The following PTPRQ variants were observed in gnomAD, a reference collection of about 807,000 sequenced individuals.
PTPRQ encodes the protein phosphatidylinositol phosphatase PTPRQ.
In PTPRQ, 199 loss-of-function variants were observed where a neutral mutation model predicts 246.0. The observed-to-expected ratio is 0.81, with a 90% CI of 0.72 to 0.91. The LOEUF is 0.91. PTPRQ is among the 40% of genes least tolerant of loss of function. PTPRQ has a pLI of 0.00. For synonymous variants in PTPRQ, 869 were observed against 853.2 expected, an observed-to-expected ratio of 1.02 and a Z score of -0.32; for missense variants, 2,624 against 2,528.4, an observed-to-expected ratio of 1.04 and a Z score of -0.81.
At chr12:80,545,626 T>G (rs1384337415) in intron 23 of PTPRQ, among the ~76,000 whole-genome samples, 1 of 151,696 alleles carries the variant, frequency 6.6e-6, no homozygotes, top group African/African-American at 2.4e-5. Flanking sequence ...TGGGCAACTA[T>G]GATACTCTTT....
chr12:80,659,883 A>G (rs1024102064), intron 39 of PTPRQ, among the ~76,000 whole-genome samples: 7 of 152,040 alleles, frequency 4.6e-5, no homozygotes, highest in African/African-American at 1.7e-4. Flanking sequence ...GCGGATTTCT[A>G]TATTGGGGCT....
intron 3 of PTPRQ, among the ~76,000 whole-genome samples, chr12:80,457,147 A>C (rs1893006147): frequency 6.6e-6 from 1 of 152,036 alleles, no homozygotes; most frequent in Non-Finnish European, 1.5e-5. Context: ...TTTTTAAAAC[A>C]GTTTTTTGAG....
Position 80,669,043 on chromosome 12 carries a change from G to A in PTPRQ, c.6229G>A (p.Gly2077Ser). Residue 2077 changes from glycine (G) to serine (S), a missense_variant, in exon 40 of 45, where the codon GGT becomes AGT. Gly to Ser is a moderately conservative substitution (Grantham distance 56). Coordinates refer to ENST00000644991, the MANE Select transcript of PTPRQ (RefSeq NM_001145026.2). ...TCCAAATGAATTTATTGCTACTCAA[G>A]GTCCACTACCAGGAACAGTTGGAGA... is the stretch of plus-strand genomic sequence containing the variant. ...LCPNEFIATQ[G>S]PLPGTVGDFW... is the part of the protein sequence containing the mutation. The A allele has an allele frequency of 6.5e-7, 1 of 1,550,178 alleles. No homozygotes were observed. Among genetic ancestry groups the A allele is most frequent in the East Asian group, 2.4e-5 (1 of 40,824 alleles).
intron 26 of PTPRQ, among the ~76,000 whole-genome samples, chr12:80,591,740 T>C (rs1207029073): frequency 6.6e-6 from 1 of 152,156 alleles, no homozygotes; most frequent in Non-Finnish European, 1.5e-5. Context: ...AATACATCAG[T>C]AGCCTAGATC....
chr12:80,456,761 G>C (rs760379301), intron 3 of PTPRQ, among the ~76,000 whole-genome samples: 3 of 152,132 alleles, frequency 2.0e-5, no homozygotes, highest in Non-Finnish European at 4.4e-5. Context: ...TGATACATTT[G>C]ATGTCTTCAG....
chr12:80,531,367 TAAG>T (rs959417849), intron 17 of PTPRQ, among the ~76,000 whole-genome samples: 7 of 152,214 alleles, frequency 4.6e-5, no homozygotes, highest in African/African-American at 1.7e-4. Flanking sequence ...TTTAAGCTAA[TAAG>T]AATAAAACAG....
intron 19 of PTPRQ, among the ~76,000 whole-genome samples, chr12:80,536,583 CAT>C (rs78605403): frequency 0.054 from 8,161 of 152,258 alleles, 285 homozygotes; most frequent in East Asian, 0.16. Flanking sequence ...TAATGAAAGA[CAT>C]GTAGATATAG....
intron 38 of PTPRQ, among the ~76,000 whole-genome samples, chr12:80,655,057 T>C (rs2121240453): frequency 6.6e-6 from 1 of 152,218 alleles, no homozygotes; most frequent in Non-Finnish European, 1.5e-5. Context: ...CCTTTAAGAC[T>C]GTAAGAAATG....
chr12:80,573,961 G>A (rs901602995), intron 25 of PTPRQ, among the ~76,000 whole-genome samples: 2 of 151,784 alleles, frequency 1.3e-5, no homozygotes, highest in Admixed American at 6.6e-5. Context: ...TCACTTTTCC[G>A]CCTAATCGTT....
chr12:80,661,772 T>G (rs538150603), intron 39 of PTPRQ, among the ~76,000 whole-genome samples: 2 of 151,910 alleles, frequency 1.3e-5, no homozygotes, highest in Admixed American at 6.6e-5. Context: ...TGGATAAACT[T>G]TAACATAAAA....
At chr12:80,621,214 T>A (rs192893925) in intron 32 of PTPRQ, among the ~76,000 whole-genome samples, 1 of 152,014 alleles carries the variant, frequency 6.6e-6, no homozygotes, top group East Asian at 1.9e-4. Context: ...ATGCAATTAC[T>A]TTGGTTCAAA....
chr12:80,476,904 G>T (rs191250916), intron 8 of PTPRQ, among the ~76,000 whole-genome samples: 1 of 152,204 alleles, frequency 6.6e-6, no homozygotes, highest in Non-Finnish European at 1.5e-5. Context: ...TATAGTAATA[G>T]GAAAGCTATA....
chr12:80,625,552 A>T (rs934850963), intron 33 of PTPRQ, among the ~76,000 whole-genome samples: 12 of 152,098 alleles, frequency 7.9e-5, no homozygotes, highest in African/African-American at 2.2e-4. Context: ...TGGAGTTTAA[A>T]ATTAGGGGCA....
intron 38 of PTPRQ, among the ~76,000 whole-genome samples, chr12:80,655,261 G>A (rs1298845483): frequency 6.6e-6 from 1 of 152,098 alleles, no homozygotes; most frequent in African/African-American, 2.4e-5. Context: ...CTACATTAGT[G>A]ACTCTGGACA....
intron 12 of PTPRQ, among the ~76,000 whole-genome samples, chr12:80,495,721 C>A (rs1894596361): frequency 6.6e-6 from 1 of 151,994 alleles, no homozygotes; most frequent in African/African-American, 2.4e-5. Context: ...ATTCAGCTGA[C>A]ATGGTATTTG....
At chr12:80,523,516 C>T (rs1312614051) in intron 17 of PTPRQ, among the ~76,000 whole-genome samples, 1 of 152,078 alleles carries the variant, frequency 6.6e-6, no homozygotes, top group Non-Finnish European at 1.5e-5. Flanking sequence ...CTATAAATTT[C>T]CCTCTACACA....
chr12:80,543,548 CA>C (rs1473752531), intron 23 of PTPRQ, among the ~76,000 whole-genome samples: 1 of 151,926 alleles, frequency 6.6e-6, no homozygotes. Context: ...TCCCCAAAGG[CA>C]AATGAAGTCC....
chr12:80,495,854 A>C, intron 12 of PTPRQ, 145 bp from the exon 13 acceptor site: 1 of 983,066 alleles, frequency 1.0e-6, no homozygotes, highest in South Asian at 1.9e-5. Context: ...TAAGCCCAAG[A>C]ATTTGAGGAG....
intron 39 of PTPRQ, among the ~76,000 whole-genome samples, chr12:80,662,674 C>G (rs1175419065): frequency 6.6e-6 from 1 of 151,852 alleles, no homozygotes; most frequent in Admixed American, 6.6e-5. Flanking sequence ...TCTACATTTT[C>G]CTGGCTGATA....
Sources: allele counts gnomAD v4.1 joint callset (sites outside exome capture counted in the v4.1 genomes callset), GRCh38; gene constraint gnomAD v4.1.1; transcripts MANE v1.5; gene names NCBI Gene and HGNC (gene_info 2026-07-23, HGNC 2026-07-21).